The following NCKAP5L variants were observed in gnomAD, a reference collection of about 807,000 sequenced individuals.
The protein encoded by NCKAP5L is nck-associated protein 5-like.
Under a neutral mutation model 103.2 loss-of-function variants are expected in NCKAP5L, and 54 were observed. The ratio of observed to expected loss-of-function variants is 0.52; its 90% CI spans 0.42 to 0.66. The LOEUF is 0.66. Ranked by LOEUF, NCKAP5L falls within the 30% of genes least tolerant of loss-of-function variation. The probability of loss-of-function intolerance (pLI) is 0.00; values close to 1 mark genes in which losing one functional copy is unlikely to be tolerated. For synonymous variants in NCKAP5L, 762 were observed against 748.6 expected (o/e 1.02, Z -0.29); for missense variants, 1,733 against 1,750.6 (o/e 0.99, Z 0.18).
chr12:49,804,237 C>T (rs1946155496), intron 2 of NCKAP5L, 157 bp from the exon 3 acceptor site: 6 of 559,360 alleles, frequency 1.1e-5, no homozygotes, highest in Non-Finnish European at 6.1e-6. Context: ...GGGCAGACAA[C>T]ACAGATACTC....
intron 1 of NCKAP5L, among the ~76,000 whole-genome samples, chr12:49,826,479 T>C (rs181330813): frequency 3.3e-4 from 51 of 152,256 alleles, no homozygotes; most frequent in African/African-American, 1.1e-3. Context: ...GAATCTGTTC[T>C]CTCTACCCAG....
At chr12:49,798,506 C>T in intron 6 of NCKAP5L, 43 bp from the exon 7 acceptor site, 1 of 1,475,602 alleles carries the variant, frequency 6.8e-7, no homozygotes, top group Non-Finnish European at 9.3e-7. Context: ...CTGTCTGACC[C>T]CAGCTCCCTA....
rs946634996 is a variant in NCKAP5L, at chr12:49,792,412, G to A, written c.3792+34C>T. ...CCCCACATCACTCCCTCCTGCTCCC[G>A]AGTCCTTTCCCTTTCCTCTGCTGCA... On this transcript the variant is annotated intron_variant, in intron 12 of 12. Coordinates refer to ENST00000335999, the MANE Select transcript of NCKAP5L (RefSeq NM_001037806.4). The surrounding 1 kb of genome is among the most constrained non-coding windows in gnomAD (Gnocchi z 4.5). The A allele has an allele frequency of 6.2e-6, 10 of 1,610,992 alleles. No homozygotes were observed. The highest frequency in any genetic ancestry group is 1.7e-5 in the Admixed American group (1 of 59,504).
intron 1 of NCKAP5L, among the ~76,000 whole-genome samples, chr12:49,817,314 T>C (rs959926514): frequency 1.3e-5 from 2 of 152,176 alleles, no homozygotes; most frequent in Non-Finnish European, 2.9e-5. Flanking sequence ...AAAACTCATA[T>C]GGAACCATAA....
intron 10 of NCKAP5L, 32 bp from the exon 11 acceptor site, chr12:49,793,018 T>C: frequency 6.8e-7 from 1 of 1,464,620 alleles, no homozygotes. Context: ...CCGTTAAGAG[T>C]GTGAGGCTGG....
At position 49,797,347 on chromosome 12, in the gene NCKAP5L, G is replaced by A. The variant is rs199512716; in HGVS notation, c.513C>T (p.Ala171=). ...GGGCATCCAGCGCTGGGGGTGGGGC[G>A]GCTGGGGGGCCTGGGCCTCCTGGCC... ...QLRPGGPGPP[A]APPPALDALS... is the part of the protein sequence containing the mutation. The change falls in exon 8 of 13, where the codon GCC becomes GCT. Residue 171 remains alanine (A), a synonymous_variant. Transcript: ENST00000335999. This position sits in a 1 kb window ranked among gnomAD's most constrained non-coding sequence, Gnocchi z 4.5. The A allele has an allele frequency of 1.7e-4, 274 of 1,611,602 alleles. 1 individual carries two copies. In the Middle Eastern group the frequency reaches 2.1e-3, roughly 12 times the overall value.
rs758932079 is a variant in NCKAP5L, at chr12:49,795,104, CT to C, written c.2755del (p.Ser919AlafsTer13). On this transcript the variant is annotated frameshift_variant, in exon 8 of 13. Coordinates refer to ENST00000335999, the MANE Select transcript of NCKAP5L (RefSeq NM_001037806.4). LOFTEE classifies it high-confidence loss of function. ...CTTGCTCTTCTTAAGGCCGAACCAG[CT>C]GGCGATGCTGCTGGTGTTGCGGTGC... ...VKHRNTSSIA[S>X]WFGLKKSKLP... is the part of the protein sequence containing the mutation. 2 of 1,613,306 alleles carry C rather than the reference CT, an allele frequency of 1.2e-6. No individual in the cohort carries two copies. The highest frequency in any genetic ancestry group is 4.5e-5 in the East Asian group (2 of 44,866).
intron 3 of NCKAP5L, among the ~76,000 whole-genome samples, chr12:49,803,488 G>A (rs1946144651): frequency 6.6e-6 from 1 of 152,176 alleles, no homozygotes; most frequent in Non-Finnish European, 1.5e-5. Context: ...GACGGGCAGA[G>A]GAGGCTTTAG....
In NCKAP5L at chr12:49,797,100, G is replaced by A; in HGVS notation, c.760C>T (p.Leu254=). 6.3e-7 allele frequency: 1 copy of A among 1,591,010 alleles called. No homozygotes were observed. Among genetic ancestry groups the A allele is most frequent in the South Asian group, 1.1e-5 (1 of 88,074 alleles). The part of the protein sequence containing the change: ...LLLGPGNLGG[L]LHWERLLGGL... ...CCCAAGAGGCGCTCCCAGTGCAGCA[G>A]GCCTCCCAGGTTGCCAGGGCCTAGC... Residue 254 remains leucine (L), a synonymous_variant, in exon 8 of 13, where the codon CTG becomes TTG. Coordinates refer to ENST00000335999, the MANE Select transcript of NCKAP5L (RefSeq NM_001037806.4). The surrounding 1 kb of genome is among the most constrained non-coding windows in gnomAD (Gnocchi z 4.5).
chr12:49,809,342 G>A lies in NCKAP5L; in HGVS notation c.-98-3301C>T, dbSNP rs553881639. Among the ~76,000 whole-genome samples the A allele has an allele frequency of 3.3e-5, 5 of 152,288 alleles. No homozygotes were observed. In the East Asian group the frequency reaches 9.7e-4, roughly 29 times the overall value. Reference sequence around the variant, plus strand: ...AGACCAGGCATGGGAGGAAGGGGCTGGAGAGGCAGGCGGCAGCAAGCCTGT... The same window carrying A: ...AGACCAGGCATGGGAGGAAGGGGCTAGAGAGGCAGGCGGCAGCAAGCCTGT... On this transcript the variant is annotated intron_variant, in intron 1 of 12. Coordinates refer to ENST00000335999, the MANE Select transcript of NCKAP5L (RefSeq NM_001037806.4).
At chr12:49,798,250 C>T (rs1043584235) in intron 7 of NCKAP5L, 100 bp downstream of exon 7, 2 of 1,150,316 alleles carry the variant, frequency 1.7e-6, no homozygotes, top group African/African-American at 3.1e-5. Flanking sequence ...GCTCACACTT[C>T]CAGCCTGGAC....
chr12:49,793,212 G>A, intron 10 of NCKAP5L, 140 bp downstream of exon 10: 1 of 887,190 alleles, frequency 1.1e-6, no homozygotes. Context: ...TTCCTGTGTA[G>A]CTCCAGTGCC....
Position 49,792,703 on chromosome 12 carries a change from G to C in NCKAP5L, c.3624C>G (p.His1208Gln). The C allele has an allele frequency of 1.2e-6, 2 of 1,611,932 alleles. No homozygotes were observed. Among genetic ancestry groups the C allele is most frequent in the Middle Eastern group, 1.7e-4 (1 of 6,046 alleles). Residue 1208 changes from histidine (H) to glutamine (Q), a missense_variant, in exon 11 of 13, where the codon CAC becomes CAG. Physicochemically the swap from His to Gln is conservative, Grantham distance 24. Coordinates refer to ENST00000335999, the MANE Select transcript of NCKAP5L (RefSeq NM_001037806.4). This position sits in a 1 kb window ranked among gnomAD's most constrained non-coding sequence, Gnocchi z 4.5. ...CATCAGGACAGGTCTCATGGCCCCG[G>C]TGGCCCGGAGCAGCGGGTAGCAGTG... Reference protein sequence around the residue: ...FPALLPAAPGHRGHETCPDDP... With the variant: ...FPALLPAAPGQRGHETCPDDP...
At chr12:49,805,009 C>T (rs141801704) in intron 2 of NCKAP5L, 2 of 152,416 alleles carry the variant, frequency 1.3e-5, no homozygotes, top group African/African-American at 4.8e-5. Context: ...CTAGCTCCAG[C>T]CTCACTAGGC....
At chr12:49,826,443 G>A (rs1011134581) in intron 1 of NCKAP5L, among the ~76,000 whole-genome samples, 3 of 152,134 alleles carry the variant, frequency 2.0e-5, no homozygotes, top group African/African-American at 7.2e-5. Context: ...TGTGGGACAA[G>A]GTCTACTCTC....
intron 1 of NCKAP5L, among the ~76,000 whole-genome samples, chr12:49,827,021 T>C (rs1048316587): frequency 1.3e-5 from 2 of 152,160 alleles, no homozygotes. Flanking sequence ...TAATCCCAGG[T>C]TGTTTTTAGG....
At chr12:49,811,190 T>A (rs116127611) in intron 1 of NCKAP5L, among the ~76,000 whole-genome samples, 3,098 of 152,234 alleles carry the variant, frequency 0.02, 108 homozygotes, top group African/African-American at 0.071. Context: ...GGGACTCCTG[T>A]CCCCAGGCTT....
At chr12:49,817,664 A>C (rs1002066378) in intron 1 of NCKAP5L, among the ~76,000 whole-genome samples, 1 of 152,162 alleles carries the variant, frequency 6.6e-6, no homozygotes, top group African/African-American at 2.4e-5. Context: ...AAATAAATCC[A>C]CATGTTTACA....
chr12:49,803,832 A>G, intron 3 of NCKAP5L, 90 bp downstream of exon 3: 1 of 1,510,720 alleles, frequency 6.6e-7, no homozygotes, highest in Non-Finnish European at 8.8e-7. Context: ...ATGGCACCCA[A>G]AAACCTGCAG....
Sources: allele counts gnomAD v4.1 joint callset (sites outside exome capture counted in the v4.1 genomes callset), GRCh38; gene constraint gnomAD v4.1.1; non-coding constraint Gnocchi (gnomAD v3.1); transcripts MANE v1.5; gene names NCBI Gene and HGNC (gene_info 2026-07-23, HGNC 2026-07-21).